The following ALOX5 variants were observed in gnomAD, a reference collection of about 807,000 sequenced individuals.
ALOX5 encodes arachidonate 5-lipoxygenase.
A neutral mutation model predicts 87.9 loss-of-function variants in ALOX5; 64 were observed. That is an observed-to-expected ratio of 0.73 (90% CI 0.60 to 0.90). The LOEUF (loss-of-function observed/expected upper bound fraction) is 0.90, where lower values mean the gene tolerates loss of function less well. ALOX5 is among the 40% of genes least tolerant of loss of function. The probability of loss-of-function intolerance (pLI) is 0.00; values close to 1 mark genes in which losing one functional copy is unlikely to be tolerated. For missense variants in ALOX5, 822 were observed against 907.5 expected, an observed-to-expected ratio of 0.91 and a Z score of 1.21; for synonymous variants, 388 against 355.1, an observed-to-expected ratio of 1.09 and a Z score of -1.04.
chr10:45,426,304 G>T (rs1304462859), intron 6 of ALOX5, among the ~76,000 whole-genome samples: 1 of 152,222 alleles, frequency 6.6e-6, no homozygotes, highest in African/African-American at 2.4e-5. Context: ...CAGGGCATCA[G>T]CCTCCCACTG....
At chr10:45,390,842 A>G (rs1022343633) in intron 2 of ALOX5, among the ~76,000 whole-genome samples, 1 of 152,248 alleles carries the variant, frequency 6.6e-6, no homozygotes, top group African/African-American at 2.4e-5. Flanking sequence ...AATTAAGATC[A>G]GAGCAGAACT....
At chr10:45,440,089 TCCTCCC>T (rs1306625550) in intron 7 of ALOX5, among the ~76,000 whole-genome samples, 1 of 152,104 alleles carries the variant, frequency 6.6e-6, no homozygotes, top group East Asian at 1.9e-4. Context: ...GGGACAGCGA[TCCTCCC>T]CCTCCGCTGC....
chr10:45,445,747 G>C lies in ALOX5; in HGVS notation c.*60G>C, dbSNP rs1259999017. On this transcript the variant is annotated 3_prime_UTR_variant, in exon 14 of 14. Coordinates refer to ENST00000374391, the MANE Select transcript of ALOX5 (RefSeq NM_000698.5). ...GCCCCAGCCAGATGGACTCCAGCCT[G>C]CCTGGCAGGCTGTCTGGCCAGGCCT... is the stretch of plus-strand genomic sequence containing the variant. 6.4e-7 allele frequency: 1 copy of C among 1,559,338 alleles called. No individual in the cohort carries two copies. Among genetic ancestry groups the C allele is most frequent in the African/African-American group, 1.4e-5 (1 of 73,546 alleles).
At chr10:45,423,824 G>A (rs1176370558) in intron 4 of ALOX5, among the ~76,000 whole-genome samples, 1 of 152,182 alleles carries the variant, frequency 6.6e-6, no homozygotes, top group Non-Finnish European at 1.5e-5. Flanking sequence ...TATTCTGGAG[G>A]GTACTGGCCT....
At chr10:45,442,918 C>A in intron 9 of ALOX5, 120 bp from the exon 10 acceptor site, 3 of 1,073,184 alleles carry the variant, frequency 2.8e-6, no homozygotes, top group Non-Finnish European at 4.0e-6. Context: ...TCTCACAGGA[C>A]AAGGGCTTGC....
At chr10:45,440,389 G>A in intron 7 of ALOX5, 41 bp from the exon 8 acceptor site, 1 of 1,591,848 alleles carries the variant, frequency 6.3e-7, no homozygotes, top group South Asian at 1.1e-5. Context: ...ATACTCTGAA[G>A]TGAAATATAG....
intron 2 of ALOX5, among the ~76,000 whole-genome samples, chr10:45,384,238 CA>C (rs1839940368): frequency 1.3e-5 from 2 of 152,184 alleles, no homozygotes; most frequent in African/African-American, 4.8e-5. Context: ...TTCCTCTACA[CA>C]TTCCCTCCTT....
At chr10:45,420,344 ATGT>A (rs1247597042) in intron 4 of ALOX5, among the ~76,000 whole-genome samples, 1 of 152,258 alleles carries the variant, frequency 6.6e-6, no homozygotes, top group Non-Finnish European at 1.5e-5. Context: ...AGGTAGCATC[ATGT>A]TGTTAAAAAT....
chr10:45,382,778 G>A (rs1839887438), intron 2 of ALOX5, 97 bp downstream of exon 2: 1 of 1,411,754 alleles, frequency 7.1e-7, no homozygotes. Context: ...TGACACTGCT[G>A]TGCAGGGGCG....
chr10:45,381,428 G>A (rs528032517), intron 1 of ALOX5, among the ~76,000 whole-genome samples: 1 of 152,374 alleles, frequency 6.6e-6, no homozygotes, highest in East Asian at 1.9e-4. Flanking sequence ...GGCTATGATG[G>A]AAAGACCTGG....
Position 45,409,698 on chromosome 10 carries a change from C to T in ALOX5, c.432-2493C>T, listed in dbSNP as rs958730009. Among the ~76,000 whole-genome samples the T allele has an allele frequency of 3.3e-5, 5 of 152,154 alleles. No homozygotes were observed. In the East Asian group the frequency reaches 9.6e-4, roughly 29 times the overall value. On this transcript the variant is annotated intron_variant, in intron 3 of 13. Transcript: ENST00000374391. ...CTTTGTTCCTTCTGCCTGGGTGTTC[C>T]ACTTGGTCTTCCTCAATGGAGTGGG...
chr10:45,441,298 C>A (rs775144642), intron 8 of ALOX5, 46 bp from the exon 9 acceptor site: 2 of 1,567,420 alleles, frequency 1.3e-6, no homozygotes, highest in Admixed American at 3.4e-5. Flanking sequence ...GGCACCAGGT[C>A]ACCTGACTGG....
chr10:45,388,483 G>C (rs967100719), intron 2 of ALOX5, among the ~76,000 whole-genome samples: 9 of 152,236 alleles, frequency 5.9e-5, no homozygotes, highest in Non-Finnish European at 7.3e-5. Context: ...GTACACCTCT[G>C]AGACAAAGCT....
intron 13 of ALOX5, 119 bp downstream of exon 13, chr10:45,444,405 C>A: frequency 7.3e-7 from 1 of 1,360,866 alleles, no homozygotes; most frequent in Non-Finnish European, 9.7e-7. Context: ...TCCTGACTTC[C>A]AAGGCTGGAA....
At chr10:45,442,348 G>T (rs1842264078) in intron 9 of ALOX5, among the ~76,000 whole-genome samples, 1 of 152,194 alleles carries the variant, frequency 6.6e-6, no homozygotes, top group South Asian at 2.1e-4. Flanking sequence ...AGAAAGTGCT[G>T]GGGGGCAGCT....
At position 45,379,553 on chromosome 10, in the gene ALOX5, C is replaced by T. The variant is rs193166636; in HGVS notation, c.151-2930C>T. Among the ~76,000 whole-genome samples, 14 of 152,306 alleles carry T rather than the reference C, an allele frequency of 9.2e-5. No homozygotes were observed. In the East Asian group the frequency reaches 2.1e-3, roughly 23 times the overall value. The stretch of plus-strand genomic sequence containing the variant: ...TCCTCCCATGTGTGCTCCAGTTACT[C>T]GGATTGGCACATGTAGTCACGAAGT... On this transcript the variant is annotated intron_variant, in intron 1 of 13. Transcript: ENST00000374391.
intron 7 of ALOX5, among the ~76,000 whole-genome samples, chr10:45,435,337 T>C (rs4540799): frequency 0.76 from 114,437 of 151,554 alleles, 43,743 homozygotes; most frequent in African/African-American, 0.87. Context: ...TATTGCATAA[T>C]GCTGGGGTTA....
chr10:45,406,519 C>T (rs1840892240), intron 3 of ALOX5, among the ~76,000 whole-genome samples: 1 of 152,210 alleles, frequency 6.6e-6, no homozygotes, highest in Non-Finnish European at 1.5e-5. Flanking sequence ...CACAGCGTGT[C>T]TTTCCACCTC....
At chr10:45,394,110 A>C (rs1160526172) in intron 2 of ALOX5, among the ~76,000 whole-genome samples, 2 of 152,250 alleles carry the variant, frequency 1.3e-5, no homozygotes, top group African/African-American at 4.8e-5. Context: ...TCTACGTTAA[A>C]GTTCATATGG....
Sources: gnomAD v4.1 joint callset for allele counts (sites outside exome capture counted in the v4.1 genomes callset) on GRCh38, gnomAD v4.1.1 for gene constraint, MANE v1.5 for transcripts, NCBI Gene and HGNC (gene_info 2026-07-23, HGNC 2026-07-21) for gene names.